The following ACACA variants were observed in gnomAD, a reference collection of about 807,000 sequenced individuals.
ACACA encodes acetyl-CoA carboxylase 1.
ACACA carries 103 observed loss-of-function variants against 296.1 expected under a neutral mutation model. That is an observed-to-expected ratio of 0.35 (90% CI 0.30 to 0.41). The LOEUF is 0.41. Among genes scored for constraint, ACACA ranks in the 10% least tolerant of loss-of-function variants. ACACA has a pLI of 1.00. For missense variants in ACACA, 1,554 were observed against 2,989.7 expected (o/e 0.52, Z 11.20); for synonymous variants, 953 against 1,038.6 (o/e 0.92, Z 1.58).
rs2145037293 is a variant in ACACA, at chr17:37,188,449, C to T, written c.4604G>A (p.Arg1535Gln). 6.2e-7 allele frequency: 1 copy of T among 1,613,326 alleles called. No homozygotes were observed. Among genetic ancestry groups the T allele is most frequent in the Non-Finnish European group, 8.5e-7 (1 of 1,180,006 alleles). Residue 1535 changes from arginine (R) to glutamine (Q), a missense_variant, in exon 39 of 56, where the codon CGG (arginine) becomes CAG (glutamine). Transcript: ENST00000616317. ...CAATTTCCACAGGCGACTTCCATAC[C>T]GCATTACCATGCTCCGCACGGATTC... Reference protein sequence around the residue: ...IEESVRSMVMRYGSRLWKLRV... With the variant: ...IEESVRSMVMQYGSRLWKLRV...
intron 41 of ACACA, among the ~76,000 whole-genome samples, chr17:37,167,481 G>A (rs2076723868): frequency 3.3e-5 from 5 of 149,432 alleles, no homozygotes; most frequent in Admixed American, 2.7e-4. Context: ...ACCACGCCCG[G>A]CTAATTTTTG....
chr17:37,161,008 A>G (rs1228181927), intron 42 of ACACA, among the ~76,000 whole-genome samples: 1 of 152,206 alleles, frequency 6.6e-6, no homozygotes, highest in African/African-American at 2.4e-5. Context: ...AACCACTAGA[A>G]GAAAAGAAGT....
chr17:37,312,892 AT>A (rs2084229985), intron 3 of ACACA, among the ~76,000 whole-genome samples: 1 of 152,170 alleles, frequency 6.6e-6, no homozygotes, highest in African/African-American at 2.4e-5. Flanking sequence ...AACAAAAAAA[AT>A]ATATAAAGGG....
At chr17:37,358,913 G>A (rs1016044378) in intron 1 of ACACA, 16 of 980,182 alleles carry the variant, frequency 1.6e-5, no homozygotes, top group Non-Finnish European at 1.8e-5. Flanking sequence ...AGGCTGGGAG[G>A]CGGCCCCCTG....
chr17:37,197,851 T>G (rs1242243271), intron 35 of ACACA, among the ~76,000 whole-genome samples: 1 of 152,222 alleles, frequency 6.6e-6, no homozygotes, highest in Admixed American at 6.5e-5. Flanking sequence ...GCAAATGCAG[T>G]CCTCACTTAA....
At chr17:37,199,206 C>T (rs1411214125) in intron 35 of ACACA, among the ~76,000 whole-genome samples, 2 of 150,476 alleles carry the variant, frequency 1.3e-5, no homozygotes, top group Non-Finnish European at 3.0e-5. Context: ...CGCCACTGCA[C>T]TCCAGCCTGG....
intron 24 of ACACA, among the ~76,000 whole-genome samples, chr17:37,236,900 T>C (rs182978099): frequency 3.9e-5 from 6 of 152,214 alleles, no homozygotes; most frequent in Non-Finnish European, 7.4e-5. Context: ...CAGAAGAATA[T>C]ATAGAATATA....
intron 3 of ACACA, 28 bp downstream of exon 3, chr17:37,330,145 A>C (rs1287453331): frequency 2.1e-5 from 34 of 1,613,640 alleles, no homozygotes; most frequent in Non-Finnish European, 2.9e-5. Context: ...GACAGATTAA[A>C]TAAGTAGACC....
At chr17:37,330,574 C>T (rs2047829603) in intron 2 of ACACA, 149 bp from the exon 3 acceptor site, 7 of 954,846 alleles carry the variant, frequency 7.3e-6, no homozygotes, top group Non-Finnish European at 9.4e-6. Flanking sequence ...TATTTCAGGG[C>T]CTTTAATTTC....
intron 35 of ACACA, among the ~76,000 whole-genome samples, chr17:37,199,239 CAAAA>C (rs1367557401): frequency 1.0e-5 from 1 of 95,784 alleles, no homozygotes; most frequent in South Asian, 3.1e-4. Context: ...GACACTCTCT[CAAAA>C]AAAAAAAAAA....
At chr17:37,218,250 G>C (rs1457831363) in intron 29 of ACACA, among the ~76,000 whole-genome samples, 1 of 151,808 alleles carries the variant, frequency 6.6e-6, no homozygotes, top group Admixed American at 6.6e-5. Flanking sequence ...CATGCAGCTA[G>C]GGTAGTACTT....
intron 3 of ACACA, among the ~76,000 whole-genome samples, chr17:37,295,206 T>C (rs1471575005): frequency 6.6e-6 from 1 of 152,048 alleles, no homozygotes. Context: ...TCCTTCAGAG[T>C]GGCCCCGGCC....
chr17:37,330,093 T>G, intron 3 of ACACA, 80 bp downstream of exon 3: 1 of 1,561,566 alleles, frequency 6.4e-7, no homozygotes, highest in South Asian at 1.1e-5. Context: ...TTAGCTGAAA[T>G]CATCCTTGCT....
chr17:37,324,790 G>T lies in ACACA; in HGVS notation c.338+5383C>A, dbSNP rs1227622739. 9.5e-5 allele frequency among the ~76,000 whole-genome samples: 13 copies of T among 136,678 alleles called. No individual in the cohort carries two copies. The East Asian group carries it at 2.6e-3, about 27-fold the overall frequency. 89.7% of individuals were successfully genotyped at this position (136,678 alleles called of 152,430 possible). A position where few individuals can be genotyped will look rare whatever the true frequency, so the allele number is the denominator to read the frequency against. ...GCGGAGGTTGTGGTGAGCCGAGATC[G>T]CACCATTGCACTCCAGCCTGGGGAA... On this transcript the variant is annotated intron_variant, in intron 3 of 55. Coordinates refer to ENST00000616317, the MANE Select transcript of ACACA (RefSeq NM_198834.3).
intron 24 of ACACA, among the ~76,000 whole-genome samples, chr17:37,236,486 T>C (rs575052663): frequency 2.7e-4 from 41 of 152,018 alleles, no homozygotes; most frequent in Admixed American, 7.2e-4. Context: ...TTGTTTTTTT[T>C]TTTTTTACTT....
At chr17:37,250,867 T>C (rs1483088484) in intron 16 of ACACA, among the ~76,000 whole-genome samples, 2 of 149,208 alleles carry the variant, frequency 1.3e-5, no homozygotes, top group East Asian at 4.0e-4. Context: ...CTAATAAAAA[T>C]ACAAAAAAAA....
At chr17:37,155,344 T>C (rs755357432) in intron 43 of ACACA, among the ~76,000 whole-genome samples, 8 of 152,114 alleles carry the variant, frequency 5.3e-5, no homozygotes, top group African/African-American at 7.2e-5. Context: ...CTCAATCACA[T>C]AGAAAAAAGA....
chr17:37,107,184 A>G (rs989574274), intron 52 of ACACA, among the ~76,000 whole-genome samples: 1 of 152,210 alleles, frequency 6.6e-6, no homozygotes, highest in African/African-American at 2.4e-5. Flanking sequence ...ACCACTCACT[A>G]AGGCATGCGT....
chr17:37,358,426 T>C (rs1368654627), intron 1 of ACACA, among the ~76,000 whole-genome samples: 1 of 152,156 alleles, frequency 6.6e-6, no homozygotes, highest in Non-Finnish European at 1.5e-5. Flanking sequence ...GCAGAGAACA[T>C]AATAAAATCC....
Sources: allele counts gnomAD v4.1 joint callset (sites outside exome capture counted in the v4.1 genomes callset), GRCh38; gene constraint gnomAD v4.1.1; transcripts MANE v1.5; gene names NCBI Gene and HGNC (gene_info 2026-07-23, HGNC 2026-07-21).